Variants in NDRG2 observed in about 807,000 individuals in gnomAD.
NDRG2 encodes protein NDRG2.
In NDRG2, 34 loss-of-function variants were observed where a neutral mutation model predicts 58.2. The ratio of observed to expected loss-of-function variants is 0.58; its 90% CI spans 0.44 to 0.78. The LOEUF is 0.78. Among genes scored for constraint, NDRG2 ranks in the 30% least tolerant of loss-of-function variants. The pLI is 0.00. For missense variants in NDRG2, 434 were observed against 471.2 expected (o/e 0.92, Z 0.73); for synonymous variants, 187 against 175.9 (o/e 1.06, Z -0.50).
At chr14:21,030,550 C>T, upstream of NDRG2, 1 of 1,605,798 alleles carries the variant, frequency 6.2e-7, no homozygotes, top group Non-Finnish European at 8.5e-7. Flanking sequence ...CAAGTGTCTC[C>T]CACGACTGCC....
intron 1 of NDRG2, among the ~76,000 whole-genome samples, chr14:21,039,892 CA>C (rs1327964364): frequency 6.6e-6 from 1 of 152,116 alleles, no homozygotes; most frequent in Non-Finnish European, 1.5e-5. Flanking sequence ...CAGGAAAACA[CA>C]AGTGTAGAGG....
chr14:21,042,972 T>C, intron 1 of NDRG2: 1 of 1,601,844 alleles, frequency 6.2e-7, no homozygotes, highest in East Asian at 2.2e-5. Flanking sequence ...CCCTCCATCC[T>C]GACTGCTCCT....
At chr14:21,021,562 C>G (rs1211818437) in intron 6 of NDRG2, 1 of 503,456 alleles carries the variant, frequency 2.0e-6, no homozygotes, top group East Asian at 3.4e-5. Flanking sequence ...CAGAGAAGGC[C>G]CTCCTTAGCC....
intron 1 of NDRG2, among the ~76,000 whole-genome samples, chr14:21,067,493 C>T (rs140167542): frequency 7.8e-4 from 119 of 152,266 alleles, no homozygotes; most frequent in Non-Finnish European, 3.4e-4. Flanking sequence ...CGTCAGACAG[C>T]CTGGGTTCAC....
Position 21,017,488 on chromosome 14 carries a change from T to C in NDRG2, c.*108A>G. ...AGATCAAGGTCATCTCCCCGCATGATCTGCCCTTTTTCCCTTGCTTACGGT... is the reference window on the plus strand; with the variant it reads ...AGATCAAGGTCATCTCCCCGCATGACCTGCCCTTTTTCCCTTGCTTACGGT... On this transcript the variant is annotated 3_prime_UTR_variant, in exon 16 of 16. Transcript: ENST00000556147. 3 of 1,235,658 alleles carry C rather than the reference T, an allele frequency of 2.4e-6. No individual in the cohort carries two copies. The South Asian group carries it at 4.6e-5, about 19-fold the overall frequency. 76.5% of individuals were successfully genotyped at this position (1,235,658 alleles called of 1,614,324 possible).
chr14:21,025,200 A>G, upstream of NDRG2: 2 of 869,414 alleles, frequency 2.3e-6, no homozygotes, highest in Non-Finnish European at 2.8e-6. The surrounding 1 kb of genome is among the most constrained non-coding windows in gnomAD (Gnocchi z 5.1). Flanking sequence ...CACCCCGCCC[A>G]GACTGCCGCT....
intron 1 of NDRG2, among the ~76,000 whole-genome samples, chr14:21,038,136 C>T (rs987831386): frequency 6.6e-6 from 1 of 152,180 alleles, no homozygotes; most frequent in East Asian, 1.9e-4. Context: ...CACCTCAAAC[C>T]CAGGGCTGAA....
In NDRG2 at chr14:21,030,929, A is replaced by T. The variant is rs1594475025; in HGVS notation, c.25-7608T>A. On this transcript the variant is annotated intron_variant, in intron 1 of 14. Coordinates refer to the NDRG2 transcript ENST00000403829. ...ACTGATTGATAGGACAAAAGAGGCC[A>T]AATCTGAGTGAGGCAAGAGTTGGAC... 6.5e-6 allele frequency: 10 copies of T among 1,544,474 alleles called. No individual in the cohort carries two copies. In the East Asian group the frequency reaches 2.3e-4, roughly 35 times the overall value.
chr14:21,025,830 C>G (rs1883534887), upstream of NDRG2: 2 of 616,748 alleles, frequency 3.2e-6, no homozygotes, highest in South Asian at 7.2e-5. The surrounding 1 kb of genome is among the most constrained non-coding windows in gnomAD (Gnocchi z 5.1). Flanking sequence ...GGATGGCCAA[C>G]AGGGACTCTG....
At chr14:21,021,632 G>A in intron 6 of NDRG2, 185 bp downstream of exon 6, 1 of 667,468 alleles carries the variant, frequency 1.5e-6, no homozygotes, top group Non-Finnish European at 2.6e-6. Flanking sequence ...CTATTCTGTT[G>A]ACTCTGGCCA....
chr14:21,019,246 C>T, intron 10 of NDRG2, 86 bp from the exon 11 acceptor site: 1 of 1,287,006 alleles, frequency 7.8e-7, no homozygotes, highest in Non-Finnish European at 1.1e-6. Flanking sequence ...ATGGAACTAT[C>T]TTTGTCTAAA....
rs891061815 is a variant in NDRG2 at position 21,025,060 on chromosome 14, T to A, written c.-1037A>T. On this transcript the variant is annotated 5_prime_UTR_variant, in exon 1 of 16. It adds an upstream start codon to the 5' untranslated region. Transcript: ENST00000556147. The surrounding 1 kb of genome is among the most constrained non-coding windows in gnomAD (Gnocchi z 5.1). ...CCGCCGCGGCCGCTTCCACCTTCAC[T>A]TGCCTTTGACTCGGGCCCGCCCCGG... 5.8e-5 allele frequency: 57 copies of A among 985,770 alleles called. No homozygotes were observed. Among genetic ancestry groups the A allele is most frequent in the Non-Finnish European group, 6.7e-5 (56 of 830,574 alleles). The allele number at this position is 985,770 out of a possible 1,614,324, so 61.1% of individuals were successfully genotyped here.
At chr14:21,032,365 T>C (rs1433786788) in intron 1 of NDRG2, 2 of 507,458 alleles carry the variant, frequency 3.9e-6, no homozygotes, top group African/African-American at 4.5e-5. Flanking sequence ...AGTAAAGAGA[T>C]GAACCAGATG....
At position 21,019,685 on chromosome 14, in the gene NDRG2, C is replaced by T. The variant is rs1878995683; in HGVS notation, c.670G>A (p.Ala224Thr). The change falls in exon 10 of 16, where the codon GCA becomes ACA. Residue 224 changes from alanine to threonine, a missense_variant. Physicochemically the swap from Ala to Thr is moderately conservative, Grantham distance 58. Transcript: ENST00000556147. Reference protein sequence around the residue: ...IQKYRNIITHAPNLDNIELYW... With the variant: ...IQKYRNIITHTPNLDNIELYW... ...AATTCAATGTTATCCAGGTTGGGTG[C>T]ATGTGTAATGATATTTCTGTACTTT... is the stretch of plus-strand genomic sequence containing the variant. 6 of 1,613,946 alleles carry T rather than the reference C, an allele frequency of 3.7e-6. No homozygotes were observed. Among genetic ancestry groups the T allele is most frequent in the African/African-American group, 1.3e-5 (1 of 75,052 alleles).
At chr14:21,041,840 G>A (rs1026454283) in intron 1 of NDRG2, among the ~76,000 whole-genome samples, 1 of 152,162 alleles carries the variant, frequency 6.6e-6, no homozygotes, top group Non-Finnish European at 1.5e-5. Context: ...ATGGTGCCAG[G>A]CCTCGTGACA....
chr14:21,032,438 C>T (rs3818616), intron 1 of NDRG2: 280,795 of 415,928 alleles, frequency 0.68, 97,036 homozygotes, highest in Middle Eastern at 0.73. Context: ...TCCACCCCCA[C>T]CCCTCAAAAG....
At chr14:21,057,767 C>T in intron 1 of NDRG2, 1 of 781,516 alleles carries the variant, frequency 1.3e-6, no homozygotes, top group Non-Finnish European at 2.0e-6. Flanking sequence ...ATATCTTAGG[C>T]TGCACATTGC....
chr14:21,065,901 C>A (rs1428616921), intron 1 of NDRG2, among the ~76,000 whole-genome samples: 1 of 152,174 alleles, frequency 6.6e-6, no homozygotes, highest in African/African-American at 2.4e-5. Flanking sequence ...GAGTTTGAGA[C>A]CAGCCTGGCC....
chr14:21,016,838 T>A lies in NDRG2; in HGVS notation c.*758A>T. On this transcript the variant is annotated 3_prime_UTR_variant, in exon 16 of 16. Coordinates refer to ENST00000556147, the MANE Select transcript of NDRG2 (RefSeq NM_001320329.2). ...GAGACGGGAGGGCACCCTCCACACA[T>A]ACTACAGTGTGGTCAGAGCCCCAGG... The A allele has an allele frequency of 2.2e-6, 1 of 456,338 alleles. No individual in the cohort carries two copies. The highest frequency in any genetic ancestry group is 4.4e-6 in the Non-Finnish European group (1 of 226,738). 28.3% of individuals were successfully genotyped at this position (456,338 alleles called of 1,614,324 possible).
Sources: allele counts gnomAD v4.1 joint callset (sites outside exome capture counted in the v4.1 genomes callset), GRCh38; gene constraint gnomAD v4.1.1; non-coding constraint Gnocchi (gnomAD v3.1); transcripts MANE v1.5; gene names NCBI Gene and HGNC (gene_info 2026-07-23, HGNC 2026-07-21).